The following SEC63 variants were observed in gnomAD, a reference collection of about 807,000 sequenced individuals.
SEC63 encodes the protein SEC63 protein translocation regulator, also known as translocation protein SEC63 homolog.
In SEC63, 56 loss-of-function variants were observed where a neutral mutation model predicts 116.2. That is an observed-to-expected ratio of 0.48 (90% CI 0.39 to 0.60). The LOEUF (loss-of-function observed/expected upper bound fraction) is 0.60. SEC63 is among the 20% of genes least tolerant of loss of function. SEC63 has a pLI of 0.00. For missense variants in SEC63, 668 were observed against 900.0 expected, an observed-to-expected ratio of 0.74 and a Z score of 3.30; for synonymous variants, 273 against 294.6, an observed-to-expected ratio of 0.93 and a Z score of 0.75.
intron 16 of SEC63, among the ~76,000 whole-genome samples, chr6:107,892,466 A>G (rs1244795870): frequency 6.6e-6 from 1 of 152,180 alleles, no homozygotes; most frequent in Non-Finnish European, 1.5e-5. Flanking sequence ...AAACAGAAAA[A>G]TACCTCTATG....
chr6:107,892,261 G>C (rs955221834), intron 16 of SEC63, among the ~76,000 whole-genome samples: 72 of 152,192 alleles, frequency 4.7e-4, no homozygotes, highest in African/African-American at 1.7e-3. Context: ...AGAGGAGGCA[G>C]TCTGGCCGCA....
At chr6:107,953,716 C>G (rs1384163056) in intron 1 of SEC63, among the ~76,000 whole-genome samples, 1 of 140,714 alleles carries the variant, frequency 7.1e-6, no homozygotes, top group Non-Finnish European at 1.6e-5. Context: ...GCCCCCTGCC[C>G]GGCCAGCCGC....
chr6:107,907,454 C>T (rs900964709), intron 8 of SEC63, among the ~76,000 whole-genome samples: 11 of 152,014 alleles, frequency 7.2e-5, no homozygotes, highest in African/African-American at 2.2e-4. Context: ...TAGTGGTGCA[C>T]GCCTGTAATC....
intron 4 of SEC63, among the ~76,000 whole-genome samples, chr6:107,919,590 A>G (rs1787499512): frequency 6.6e-6 from 1 of 152,168 alleles, no homozygotes; most frequent in South Asian, 2.1e-4. Context: ...TGGGAGGCCA[A>G]GGCAGGCGTA....
chr6:107,926,903 T>C (rs1787688058), intron 2 of SEC63, among the ~76,000 whole-genome samples: 1 of 152,084 alleles, frequency 6.6e-6, no homozygotes, highest in African/African-American at 2.4e-5. Flanking sequence ...CCACAACCAA[T>C]AAAGCCATGC....
At position 107,872,938 on chromosome 6, in the gene SEC63, A is replaced by T. The variant is rs1249261234; in HGVS notation, c.2035-26T>A. The T allele has an allele frequency of 3.5e-6, 5 of 1,424,368 alleles. No individual in the cohort carries two copies. In the South Asian group the frequency reaches 6.1e-5, roughly 17 times the overall value. 88.2% of individuals were successfully genotyped at this position (1,424,368 alleles called of 1,614,324 possible). On this transcript the variant is annotated intron_variant, in intron 19 of 20. Transcript: ENST00000369002. ...CTAGAAGATAAAATCAGCACTTAAA[A>T]ATCTGTATTATGGGGAGGAAACAGC...
At chr6:107,889,163 T>C (rs1786611318) in intron 16 of SEC63, among the ~76,000 whole-genome samples, 1 of 152,224 alleles carries the variant, frequency 6.6e-6, no homozygotes, top group Non-Finnish European at 1.5e-5. Context: ...TCAGAAGGAA[T>C]GGTACCAGCT....
chr6:107,909,105 T>C lies in SEC63; in HGVS notation c.625-70A>G. On this transcript the variant is annotated intron_variant, in intron 7 of 20. Coordinates refer to ENST00000369002, the MANE Select transcript of SEC63 (RefSeq NM_007214.5). ...ACGATAGGCTGGGCGAGATGGCTCA[T>C]TCCTGTAATCCCAGCACTTTGGGAG... 24 of 1,069,888 alleles carry C rather than the reference T, an allele frequency of 2.2e-5. No individual in the cohort carries two copies. In the South Asian group the frequency reaches 3.0e-4, roughly 13 times the overall value. The allele number at this position is 1,069,888 out of a possible 1,614,324, so 66.3% of individuals were successfully genotyped here.
chr6:107,938,439 A>T (rs1379003235), intron 1 of SEC63, among the ~76,000 whole-genome samples: 1 of 151,572 alleles, frequency 6.6e-6, no homozygotes. Flanking sequence ...AGAGACAAGG[A>T]GGTCTATGTT....
chr6:107,890,434 C>T (rs1244659518), intron 16 of SEC63, among the ~76,000 whole-genome samples: 2 of 152,124 alleles, frequency 1.3e-5, no homozygotes, highest in African/African-American at 2.4e-5. Context: ...AATATTCCTC[C>T]ATCTCTTTAT....
intron 2 of SEC63, among the ~76,000 whole-genome samples, chr6:107,926,516 G>C (rs1787680295): frequency 6.6e-6 from 1 of 152,046 alleles, no homozygotes; most frequent in South Asian, 2.1e-4. Context: ...CTGGAATTAA[G>C]GCATGAGCCA....
rs578247562 is a variant in SEC63, at chr6:107,903,672, TC to T, written c.1055-675del. On this transcript the variant is annotated intron_variant, in intron 11 of 20. Transcript: ENST00000369002. ...GTGAGCTATGATTACCCTACTGGACTCCAGCCCTGGTAGATGCTGTCTATAA... is the reference window on the plus strand; with the variant it reads ...GTGAGCTATGATTACCCTACTGGACTCAGCCCTGGTAGATGCTGTCTATAA... 5.3e-4 allele frequency among the ~76,000 whole-genome samples: 81 copies of T among 152,316 alleles called. 2 individuals are homozygous for T. The highest frequency in any genetic ancestry group is 1.9e-3 in the African/African-American group (78 of 41,574).
At chr6:107,921,643 G>A (rs554274677) in intron 4 of SEC63, among the ~76,000 whole-genome samples, 154 bp downstream of exon 4, 9 of 151,888 alleles carry the variant, frequency 5.9e-5, no homozygotes, top group South Asian at 2.1e-4. Context: ...GTAGAGATGG[G>A]GTCTTGGTAT....
In SEC63 at chr6:107,950,124, G is replaced by T. The variant is rs185387773; in HGVS notation, c.124+7762C>A. On this transcript the variant is annotated intron_variant, in intron 1 of 20. Transcript: ENST00000369002. ...TATTCCATGGAAACAGTAACCAAAA[G>T]ATAGCAGGGTGGTGACTATAAGACA... Among the ~76,000 whole-genome samples the T allele has an allele frequency of 2.0e-5, 3 of 152,268 alleles. No individual in the cohort carries two copies. In the East Asian group the frequency reaches 5.8e-4, roughly 29 times the overall value.
chr6:107,887,362 T>C (rs1473607621), intron 16 of SEC63, among the ~76,000 whole-genome samples: 26 of 142,508 alleles, frequency 1.8e-4, no homozygotes, highest in Admixed American at 9.3e-4. Flanking sequence ...TGTCCAACAA[T>C]GATAGACTGG....
Position 107,867,825 on chromosome 6 carries a change from A to C in SEC63, c.*3879T>G, listed in dbSNP as rs1410288171. 1 of 152,236 alleles carries C rather than the reference A, an allele frequency of 6.6e-6. No homozygotes were observed. Among genetic ancestry groups the C allele is most frequent in the Non-Finnish European group, 1.5e-5 (1 of 68,032 alleles). The allele number at this position is 152,236 out of a possible 1,614,324, so 9.4% of individuals were successfully genotyped here. On this transcript the variant is annotated 3_prime_UTR_variant, in exon 21 of 21. Transcript: ENST00000369002. Reference sequence around the variant, plus strand: ...AATTGTACAATATATTATGTACATTATAAAACACACAAAAATAGAAATTTA... The same window carrying C: ...AATTGTACAATATATTATGTACATTCTAAAACACACAAAAATAGAAATTTA...
chr6:107,887,419 T>TA (rs1344785470), intron 16 of SEC63, among the ~76,000 whole-genome samples: 19 of 145,784 alleles, frequency 1.3e-4, no homozygotes, highest in Non-Finnish European at 2.2e-4. Flanking sequence ...TATGCAGCCA[T>TA]AAAAAATGAT....
intron 2 of SEC63, among the ~76,000 whole-genome samples, chr6:107,927,847 A>G (rs1210049625): frequency 2.0e-5 from 3 of 152,258 alleles, no homozygotes; most frequent in Non-Finnish European, 1.5e-5. Flanking sequence ...TAAATTACTG[A>G]TATTACCTAA....
chr6:107,956,718 C>A (rs1302090892), intron 1 of SEC63, among the ~76,000 whole-genome samples: 2 of 151,992 alleles, frequency 1.3e-5, no homozygotes, highest in Non-Finnish European at 2.9e-5. Context: ...TAGTTTCCTG[C>A]AGATCACATG....
Sources: allele counts gnomAD v4.1 joint callset (sites outside exome capture counted in the v4.1 genomes callset), GRCh38; gene constraint gnomAD v4.1.1; transcripts MANE v1.5; gene names NCBI Gene and HGNC (gene_info 2026-07-23, HGNC 2026-07-21).